Variants in TRIP4 observed in about 807,000 individuals in gnomAD.
TRIP4 encodes the protein thyroid hormone receptor interactor 4, also known as activating signal cointegrator 1.
Under a neutral mutation model 81.8 loss-of-function variants are expected in TRIP4, and 54 were observed. That is an observed-to-expected ratio of 0.66 (90% CI 0.53 to 0.83). The LOEUF (loss-of-function observed/expected upper bound fraction) is 0.83. TRIP4 is among the 40% of genes least tolerant of loss of function. The pLI, the probability that TRIP4 is intolerant of heterozygous loss-of-function variation, is 0.00. For synonymous variants in TRIP4, 270 were observed against 242.8 expected (o/e 1.11, Z -1.04); for missense variants, 662 against 683.6 (o/e 0.97, Z 0.35).
chr15:64,421,995 A>AGATTGCCT (rs1161728576), intron 9 of TRIP4, among the ~76,000 whole-genome samples: 3 of 151,066 alleles, frequency 2.0e-5, no homozygotes, highest in South Asian at 2.1e-4. Flanking sequence ...GAGTGAGCCG[A>AGATTGCCT]GATTGCCTGG....
chr15:64,449,571 C>CATATAT (rs35359477), intron 12 of TRIP4, among the ~76,000 whole-genome samples: 1 of 149,264 alleles, frequency 6.7e-6, no homozygotes, highest in South Asian at 2.1e-4. Flanking sequence ...TGTGTTGTAT[C>CATATAT]ATATATATAT....
At chr15:64,434,760 G>A (rs955753359) in intron 11 of TRIP4, among the ~76,000 whole-genome samples, 14 of 152,140 alleles carry the variant, frequency 9.2e-5, no homozygotes, top group African/African-American at 3.1e-4. Context: ...TGGATATGAT[G>A]CCTTCATTTT....
chr15:64,451,643 T>G (rs1892762582), intron 12 of TRIP4, among the ~76,000 whole-genome samples: 1 of 151,382 alleles, frequency 6.6e-6, no homozygotes, highest in African/African-American at 2.4e-5. Context: ...GGCTAATTTT[T>G]TATTGCTTTT....
intron 10 of TRIP4, among the ~76,000 whole-genome samples, chr15:64,425,189 T>C (rs970746382): frequency 9.2e-5 from 14 of 152,148 alleles, no homozygotes; most frequent in African/African-American, 3.4e-4. Flanking sequence ...TGTAACTGCC[T>C]TACTTTGCTT....
chr15:64,424,003 C>T (rs1424455655), intron 9 of TRIP4, 28 bp from the exon 10 acceptor site: 1 of 1,611,996 alleles, frequency 6.2e-7, no homozygotes, highest in Admixed American at 1.7e-5. Context: ...AATTTATATC[C>T]TTCCCACTAA....
At chr15:64,407,720 A>G (rs908682315) in intron 6 of TRIP4, among the ~76,000 whole-genome samples, 26 of 152,170 alleles carry the variant, frequency 1.7e-4, no homozygotes, top group African/African-American at 6.3e-4. Context: ...TGATAAACAG[A>G]AAGTGGAAAA....
At chr15:64,431,847 A>T (rs372050078) in intron 11 of TRIP4, among the ~76,000 whole-genome samples, 2,147 of 119,536 alleles carry the variant, frequency 0.018, 43 homozygotes, top group Middle Eastern at 0.037. Context: ...ATATATATAT[A>T]TTTTTTTTAT....
chr15:64,394,265 A>G, intron 2 of TRIP4, 150 bp downstream of exon 2: 1 of 665,624 alleles, frequency 1.5e-6, no homozygotes, highest in Non-Finnish European at 2.3e-6. Context: ...GTTCGGTTCT[A>G]CTCAATCCGT....
rs557728602 is a variant in TRIP4, at chr15:64,425,845, A to G, written c.1575+214A>G. Among the ~76,000 whole-genome samples, 137 of 152,264 alleles carry G rather than the reference A, an allele frequency of 9.0e-4. 1 individual carries two copies. Among genetic ancestry groups the G allele is most frequent in the African/African-American group, 3.2e-3 (135 of 41,556 alleles). ...AGGCCTGTAATCCCAACACTTTGGG[A>G]GGCCGAGGCAGGTGGATCACAAGGT... is the stretch of plus-strand genomic sequence containing the variant. On this transcript the variant is annotated intron_variant, in intron 11 of 12. Coordinates refer to ENST00000261884, the MANE Select transcript of TRIP4 (RefSeq NM_016213.5).
intron 6 of TRIP4, among the ~76,000 whole-genome samples, chr15:64,408,320 G>A (rs1818367830): frequency 7.9e-6 from 1 of 126,376 alleles, no homozygotes; most frequent in South Asian, 2.5e-4. Context: ...GTGCAGTGGC[G>A]CCATCTCGGC....
At chr15:64,412,043 T>G (rs1298105808) in intron 7 of TRIP4, among the ~76,000 whole-genome samples, 1 of 152,196 alleles carries the variant, frequency 6.6e-6, no homozygotes, top group Admixed American at 6.5e-5. Flanking sequence ...AATTTCCTTT[T>G]CCCTTGTCAA....
intron 7 of TRIP4, among the ~76,000 whole-genome samples, chr15:64,410,432 A>G (rs1262902695): frequency 1.3e-5 from 2 of 152,198 alleles, no homozygotes; most frequent in Non-Finnish European, 2.9e-5. Flanking sequence ...GTATGTGTGC[A>G]TGGGTGTGTG....
At chr15:64,411,863 A>G (rs1328692405) in intron 7 of TRIP4, among the ~76,000 whole-genome samples, 1 of 151,958 alleles carries the variant, frequency 6.6e-6, no homozygotes, top group Non-Finnish European at 1.5e-5. Flanking sequence ...TTGTAGTTTT[A>G]GTAGAGACAG....
At chr15:64,434,132 G>C (rs974126270) in intron 11 of TRIP4, among the ~76,000 whole-genome samples, 4 of 152,074 alleles carry the variant, frequency 2.6e-5, no homozygotes, top group African/African-American at 9.7e-5. Context: ...GGGCACAGTG[G>C]CTCACACCTG....
intron 7 of TRIP4, 118 bp downstream of exon 7, chr15:64,409,946 G>T: frequency 8.1e-6 from 7 of 866,872 alleles, no homozygotes; most frequent in East Asian, 2.9e-5. Context: ...ATTTGGAACA[G>T]AAAACATGTT....
Position 64,387,890 on chromosome 15 carries a change from G to C in TRIP4, c.27G>C (p.Gly9=). The change falls in exon 1 of 13, where the codon GGG becomes GGC. Residue 9 remains glycine, a synonymous_variant. Transcript: ENST00000261884. ...TGGCGGTGGCTGGGGCGGTGTCCGG[G>C]GAGCCGCTGGTGCACTGGTGCACCC... MAVAGAVS[G]EPLVHWCTQQ... 1 of 1,549,080 alleles carries C rather than the reference G, an allele frequency of 6.5e-7. No individual in the cohort carries two copies. The highest frequency in any genetic ancestry group is 8.7e-7 in the Non-Finnish European group (1 of 1,146,946).
intron 9 of TRIP4, among the ~76,000 whole-genome samples, chr15:64,421,729 G>C (rs1311680431): frequency 6.6e-6 from 1 of 152,092 alleles, no homozygotes; most frequent in Non-Finnish European, 1.5e-5. Flanking sequence ...ACAGTAACAT[G>C]CTGTACCAGC....
intron 1 of TRIP4, among the ~76,000 whole-genome samples, chr15:64,389,300 C>CT (rs1369421282): frequency 6.6e-6 from 1 of 152,094 alleles, no homozygotes; most frequent in African/African-American, 2.4e-5. Context: ...AGAAAATAGA[C>CT]TTTTGGCAAG....
intron 11 of TRIP4, among the ~76,000 whole-genome samples, chr15:64,442,877 C>T (rs1258080970): frequency 2.0e-5 from 3 of 151,184 alleles, no homozygotes; most frequent in Non-Finnish European, 4.4e-5. Flanking sequence ...ATCCCAGCTA[C>T]TCGGGAGGCT....
Sources: gnomAD v4.1 joint callset for allele counts (sites outside exome capture counted in the v4.1 genomes callset) on GRCh38, gnomAD v4.1.1 for gene constraint, MANE v1.5 for transcripts, NCBI Gene and HGNC (gene_info 2026-07-23, HGNC 2026-07-21) for gene names.